The following ADAMTSL1 variants were observed in gnomAD, a reference collection of about 807,000 sequenced individuals.
ADAMTSL1 encodes ADAMTS like 1.
A neutral mutation model predicts 201.8 loss-of-function variants in ADAMTSL1; 126 were observed. The ratio of observed to expected loss-of-function variants is 0.62; its 90% CI spans 0.54 to 0.72. ADAMTSL1 has a LOEUF of 0.72. Among genes scored for constraint, ADAMTSL1 ranks in the 30% least tolerant of loss-of-function variants. The pLI, the probability that ADAMTSL1 is intolerant of heterozygous loss-of-function variation, is 0.00. For missense variants in ADAMTSL1, 2,679 were observed against 2,277.8 expected (o/e 1.18, Z -3.59); for synonymous variants, 1,121 against 903.4 (o/e 1.24, Z -4.32).
At chr9:18,319,658 C>T (rs1472501728) in intron 2 of ADAMTSL1, among the ~76,000 whole-genome samples, 1 of 152,130 alleles carries the variant, frequency 6.6e-6, no homozygotes, top group Non-Finnish European at 1.5e-5. Context: ...AAAAGAAGAG[C>T]ACTACGTTTG....
At chr9:18,057,870 C>T (rs1049038953) in intron 1 of ADAMTSL1, among the ~76,000 whole-genome samples, 2 of 152,162 alleles carry the variant, frequency 1.3e-5, no homozygotes, top group Non-Finnish European at 2.9e-5. Context: ...TCTTTGAACC[C>T]CTAGTCTTCT....
chr9:18,141,311 G>T (rs1317715291), intron 1 of ADAMTSL1, among the ~76,000 whole-genome samples: 2 of 152,160 alleles, frequency 1.3e-5, no homozygotes, highest in East Asian at 3.9e-4. Context: ...TGTTAAGGCA[G>T]CAGTGCCTTA....
chr9:18,212,671 A>G (rs1829921904), intron 2 of ADAMTSL1, among the ~76,000 whole-genome samples: 1 of 152,134 alleles, frequency 6.6e-6, no homozygotes, highest in African/African-American at 2.4e-5. Context: ...TACATTTCAA[A>G]AGTATGAGAG....
intron 1 of ADAMTSL1, among the ~76,000 whole-genome samples, chr9:18,151,352 C>A (rs987829451): frequency 6.6e-6 from 1 of 152,002 alleles, no homozygotes; most frequent in Non-Finnish European, 1.5e-5. Context: ...GAAATACTAG[C>A]AATAATTTTA....
intron 2 of ADAMTSL1, among the ~76,000 whole-genome samples, chr9:18,387,655 T>A (rs943652409): frequency 3.3e-5 from 5 of 152,066 alleles, no homozygotes; most frequent in Non-Finnish European, 5.9e-5. Flanking sequence ...TTTGTTTTTT[T>A]AATTGATTTT....
At chr9:18,167,512 G>A (rs930559886) in intron 2 of ADAMTSL1, among the ~76,000 whole-genome samples, 4 of 151,838 alleles carry the variant, frequency 2.6e-5, no homozygotes, top group African/African-American at 9.7e-5. Flanking sequence ...TCATTAATTT[G>A]CTGAAAATCA....
chr9:18,163,352 C>G (rs1827484735), intron 1 of ADAMTSL1, among the ~76,000 whole-genome samples: 1 of 152,030 alleles, frequency 6.6e-6, no homozygotes. Flanking sequence ...ATACCTCCTT[C>G]CGGAGCAGCT....
At chr9:18,030,193 T>C (rs1307258561) in intron 1 of ADAMTSL1, among the ~76,000 whole-genome samples, 4 of 152,210 alleles carry the variant, frequency 2.6e-5, no homozygotes, top group African/African-American at 9.7e-5. Context: ...GTGGCACATA[T>C]ACACCATGGA....
intron 7 of ADAMTSL1, among the ~76,000 whole-genome samples, chr9:18,644,937 G>C (rs935986677): frequency 1.3e-5 from 2 of 151,866 alleles, no homozygotes; most frequent in South Asian, 4.2e-4. Context: ...GGTATTTCTA[G>C]TTCTAGATCC....
chr9:18,008,123 A>G (rs1819906579), intron 1 of ADAMTSL1, among the ~76,000 whole-genome samples: 1 of 152,004 alleles, frequency 6.6e-6, no homozygotes, highest in Non-Finnish European at 1.5e-5. Flanking sequence ...ATGAGATTTT[A>G]AAATAATCTT....
chr9:18,732,075 T>C (rs1040197915), intron 15 of ADAMTSL1, among the ~76,000 whole-genome samples: 3 of 152,336 alleles, frequency 2.0e-5, no homozygotes, highest in Admixed American at 1.3e-4. Flanking sequence ...TTGGTAAGGA[T>C]GATCGCATAT....
chr9:18,404,916 G>T (rs148030580), intron 2 of ADAMTSL1, among the ~76,000 whole-genome samples: 10 of 152,198 alleles, frequency 6.6e-5, no homozygotes, highest in African/African-American at 2.4e-4. Context: ...CCCCTCCCCA[G>T]CTTCTTTGGT....
intron 2 of ADAMTSL1, among the ~76,000 whole-genome samples, chr9:18,248,371 T>C (rs1368731510): frequency 3.9e-5 from 6 of 152,124 alleles, no homozygotes; most frequent in Non-Finnish European, 8.8e-5. Flanking sequence ...CCATATTTGC[T>C]ATTCCAGACT....
At chr9:17,926,120 G>A (rs778714891) in intron 1 of ADAMTSL1, among the ~76,000 whole-genome samples, 80 of 152,114 alleles carry the variant, frequency 5.3e-4, no homozygotes, top group Non-Finnish European at 8.1e-4. Context: ...GGAAAGGAAA[G>A]AAGTTTTCTT....
intron 2 of ADAMTSL1, among the ~76,000 whole-genome samples, chr9:18,180,809 C>A (rs201423934): frequency 5.3e-5 from 8 of 152,174 alleles, no homozygotes; most frequent in South Asian, 2.1e-4. Flanking sequence ...TGGAACCAAA[C>A]AAGAGCCCGC....
intron 1 of ADAMTSL1, among the ~76,000 whole-genome samples, chr9:18,144,448 C>T (rs553958226): frequency 1.3e-5 from 2 of 152,186 alleles, no homozygotes; most frequent in South Asian, 4.1e-4. Flanking sequence ...TCAGGTGATC[C>T]TCCCTCCTCG....
intron 2 of ADAMTSL1, among the ~76,000 whole-genome samples, chr9:18,241,828 T>C (rs928991390): frequency 1.3e-5 from 2 of 151,992 alleles, no homozygotes; most frequent in South Asian, 4.2e-4. Flanking sequence ...CAGGAAGAAA[T>C]AGAAATCCTG....
intron 2 of ADAMTSL1, among the ~76,000 whole-genome samples, chr9:18,335,726 T>C (rs775947415): frequency 1.3e-4 from 20 of 152,114 alleles, no homozygotes; most frequent in South Asian, 1.0e-3. Context: ...CTGTATAAGG[T>C]GGTGTAAAAC....
At chr9:18,379,136 A>G (rs1180481401) in intron 2 of ADAMTSL1, among the ~76,000 whole-genome samples, 1 of 152,236 alleles carries the variant, frequency 6.6e-6, no homozygotes, top group African/African-American at 2.4e-5. Flanking sequence ...GGTGTTAAAC[A>G]AAAATTATAG....
Sources: allele counts gnomAD v4.1 joint callset (sites outside exome capture counted in the v4.1 genomes callset), GRCh38; gene constraint gnomAD v4.1.1; transcripts MANE v1.5; gene names NCBI Gene and HGNC (gene_info 2026-07-23, HGNC 2026-07-21).